TFCP2: variants seen among roughly 807,000 people sequenced by gnomAD.
The protein encoded by TFCP2 is alpha-globin transcription factor CP2.
A neutral mutation model predicts 73.4 loss-of-function variants in TFCP2; 33 were observed. The observed-to-expected ratio is 0.45, with a 90% CI of 0.34 to 0.60. TFCP2 has a LOEUF of 0.60. Among genes scored for constraint, TFCP2 ranks in the 20% least tolerant of loss-of-function variants. The pLI is 0.01. For missense variants in TFCP2, 352 were observed against 604.0 expected (o/e 0.58, Z 4.37); for synonymous variants, 193 against 211.6 (o/e 0.91, Z 0.76).
At chr12:51,148,166 A>T (rs1286346511) in intron 1 of TFCP2, among the ~76,000 whole-genome samples, 1 of 152,242 alleles carries the variant, frequency 6.6e-6, no homozygotes, top group East Asian at 1.9e-4. Context: ...GTAAAAAGGG[A>T]ACACTTTTAT....
intron 8 of TFCP2, 100 bp from the exon 9 acceptor site, chr12:51,104,303 A>G: frequency 9.7e-7 from 1 of 1,030,646 alleles, no homozygotes; most frequent in Non-Finnish European, 1.4e-6. Flanking sequence ...TAGAGATTAA[A>G]AAAAAATCTG....
At chr12:51,117,790 A>T in intron 2 of TFCP2, 43 bp from the exon 3 acceptor site, 1 of 1,370,452 alleles carries the variant, frequency 7.3e-7, no homozygotes, top group Non-Finnish European at 1.0e-6. Flanking sequence ...CCACAAATTA[A>T]CTTTGCTAGA....
intron 1 of TFCP2, 37 bp downstream of exon 1, chr12:51,172,264 A>T: frequency 6.2e-7 from 1 of 1,610,340 alleles, no homozygotes; most frequent in Non-Finnish European, 8.5e-7. Context: ...CGCCTTTGTT[A>T]TTCAGAAGGT....
chr12:51,155,933 T>C (rs752781708), intron 1 of TFCP2, among the ~76,000 whole-genome samples: 3 of 152,024 alleles, frequency 2.0e-5, no homozygotes, highest in African/African-American at 4.8e-5. Context: ...TCCCAGCTAC[T>C]TGGGAGGCTT....
intron 1 of TFCP2, among the ~76,000 whole-genome samples, chr12:51,171,906 T>C (rs999913863): frequency 2.0e-5 from 3 of 152,200 alleles, no homozygotes; most frequent in Non-Finnish European, 4.4e-5. Flanking sequence ...ATATTCATCA[T>C]TAAGCACCAG....
chr12:51,121,284 G>A (rs1301702195), intron 1 of TFCP2, among the ~76,000 whole-genome samples: 2 of 151,604 alleles, frequency 1.3e-5, no homozygotes, highest in Non-Finnish European at 2.9e-5. Flanking sequence ...AGCCGGGCGC[G>A]TTGGCGCGCG....
intron 10 of TFCP2, among the ~76,000 whole-genome samples, chr12:51,103,439 TTTAAA>T (rs1412427280): frequency 6.6e-6 from 1 of 152,242 alleles, no homozygotes; most frequent in Non-Finnish European, 1.5e-5. Context: ...AATAAGCATT[TTTAAA>T]TTAAATTGAA....
At chr12:51,097,787 C>T (rs1438403583) in intron 13 of TFCP2, among the ~76,000 whole-genome samples, 5 of 152,024 alleles carry the variant, frequency 3.3e-5, no homozygotes, top group Admixed American at 6.6e-5. Context: ...GAGGCTGAGG[C>T]GGGTTGATCA....
chr12:51,146,051 C>G (rs1941292265), intron 1 of TFCP2, among the ~76,000 whole-genome samples: 1 of 152,052 alleles, frequency 6.6e-6, no homozygotes, highest in Admixed American at 6.6e-5. Flanking sequence ...ACATACAAAA[C>G]TGACAAAAGA....
chr12:51,103,537 C>T (rs966614498), intron 10 of TFCP2, 133 bp downstream of exon 10: 4 of 599,906 alleles, frequency 6.7e-6, no homozygotes, highest in Non-Finnish European at 5.7e-6. Context: ...CTATGAAATT[C>T]ATTTCATCAG....
chr12:51,159,224 A>T (rs1941601470), intron 1 of TFCP2, among the ~76,000 whole-genome samples: 1 of 151,684 alleles, frequency 6.6e-6, no homozygotes, highest in South Asian at 2.1e-4. Context: ...ACTGGACATC[A>T]CTTCAGTGGT....
At chr12:51,120,177 C>CAAAAAAAAAAAAAA (rs33982936) in intron 1 of TFCP2, among the ~76,000 whole-genome samples, 4 of 57,278 alleles carry the variant, frequency 7.0e-5, no homozygotes, top group African/African-American at 1.4e-4. Context: ...GACTCTGTCT[C>CAAAAAAAAAAAAAA]AAAAAAAAAA....
intron 7 of TFCP2, 153 bp downstream of exon 7, chr12:51,107,083 G>A (rs1940265430): frequency 1.5e-6 from 1 of 679,898 alleles, no homozygotes; most frequent in Admixed American, 2.8e-5. Context: ...AAATTCTAAA[G>A]CAATCTTCCT....
At chr12:51,171,127 C>T (rs1941851889) in intron 1 of TFCP2, among the ~76,000 whole-genome samples, 1 of 152,084 alleles carries the variant, frequency 6.6e-6, no homozygotes, top group Admixed American at 6.6e-5. Flanking sequence ...GCATCTTTCC[C>T]CTATGAACTC....
chr12:51,103,867 G>C (rs1940168854), intron 9 of TFCP2, 104 bp from the exon 10 acceptor site: 2 of 915,584 alleles, frequency 2.2e-6, no homozygotes, highest in Non-Finnish European at 1.7e-6. Flanking sequence ...CTCAGGCCTA[G>C]TTTGTGAAAG....
intron 1 of TFCP2, chr12:51,124,634 T>C: frequency 1.8e-6 from 1 of 552,042 alleles, no homozygotes; most frequent in Admixed American, 2.2e-5. Context: ...TAGGTCATGT[T>C]CCGAGAGCCT....
chr12:51,100,803 G>C (rs912373510), intron 11 of TFCP2, among the ~76,000 whole-genome samples: 1 of 152,166 alleles, frequency 6.6e-6, no homozygotes, highest in African/African-American at 2.4e-5. Flanking sequence ...GACAGAGCAA[G>C]ACCCTGTCTG....
intron 1 of TFCP2, among the ~76,000 whole-genome samples, chr12:51,134,445 C>A (rs531545033): frequency 5.0e-4 from 76 of 152,118 alleles, no homozygotes; most frequent in South Asian, 4.2e-3. Flanking sequence ...CCACCATGCC[C>A]ACCTATTTTT....
intron 1 of TFCP2, among the ~76,000 whole-genome samples, chr12:51,161,126 CA>C (rs1941639842): frequency 6.6e-6 from 1 of 151,968 alleles, no homozygotes; most frequent in African/African-American, 2.4e-5. Flanking sequence ...AACTCTCTGT[CA>C]AGTCATTGAA....
Sources: gnomAD v4.1 joint callset for allele counts (sites outside exome capture counted in the v4.1 genomes callset) on GRCh38, gnomAD v4.1.1 for gene constraint, MANE v1.5 for transcripts, NCBI Gene and HGNC (gene_info 2026-07-23, HGNC 2026-07-21) for gene names.